Variants in APP observed in about 807,000 individuals in gnomAD.
APP encodes amyloid-beta precursor protein.
APP carries 31 observed loss-of-function variants against 101.4 expected under a neutral mutation model. The ratio of observed to expected loss-of-function variants is 0.31; its 90% CI spans 0.23 to 0.41. APP has a LOEUF of 0.41. Ranked by LOEUF, APP falls within the 10% of genes least tolerant of loss-of-function variation. APP has a pLI of 1.00. For missense variants in APP, 839 were observed against 1,003.7 expected, an observed-to-expected ratio of 0.84 and a Z score of 2.22; for synonymous variants, 366 against 364.4, an observed-to-expected ratio of 1.00 and a Z score of -0.05.
intron 14 of APP, among the ~76,000 whole-genome samples, chr21:25,908,059 A>G (rs891482676): frequency 2.0e-5 from 3 of 152,244 alleles, no homozygotes; most frequent in Non-Finnish European, 2.9e-5. Flanking sequence ...ACTTGCTGGC[A>G]GTCACTGCAT....
At chr21:25,987,234 G>A (rs2042672467) in intron 8 of APP, among the ~76,000 whole-genome samples, 1 of 152,210 alleles carries the variant, frequency 6.6e-6, no homozygotes, top group Admixed American at 6.5e-5. Flanking sequence ...AGCCCATGGA[G>A]CTAGAATATG....
At chr21:26,152,284 CAAAAAAAAAAA>C in intron 1 of APP, among the ~76,000 whole-genome samples, 1 of 36,180 alleles carries the variant, frequency 2.8e-5, no homozygotes, top group East Asian at 1.0e-3. Context: ...GACTCCATCT[CAAAAAAAAAAA>C]AAAAAAAAAA....
intron 17 of APP, among the ~76,000 whole-genome samples, chr21:25,884,502 A>G (rs1166945417): frequency 6.6e-6 from 1 of 152,202 alleles, no homozygotes; most frequent in Non-Finnish European, 1.5e-5. Flanking sequence ...TTTAACTGGT[A>G]ACTGTGTAAT....
intron 1 of APP, among the ~76,000 whole-genome samples, chr21:26,169,657 C>A (rs1020344062): frequency 2.0e-5 from 3 of 152,246 alleles, no homozygotes; most frequent in East Asian, 1.9e-4. Context: ...CCCTCCCAGG[C>A]GGACGCGCAG....
In APP at chr21:26,157,739, C is replaced by T. The variant is rs1241757988; in HGVS notation, c.57+12825G>A. Among the ~76,000 whole-genome samples the T allele has an allele frequency of 2.0e-5, 3 of 152,154 alleles. No individual in the cohort carries two copies. The East Asian group carries it at 5.8e-4, about 29-fold the overall frequency. ...AAAATAAATTTTAAAATGGCAGTCC[C>T]ATTCTTACTGACATAAATTTATTAA... On this transcript the variant is annotated intron_variant, in intron 1 of 17. Coordinates refer to ENST00000346798, the MANE Select transcript of APP (RefSeq NM_000484.4).
At chr21:25,928,448 A>G (rs2039998287) in intron 13 of APP, among the ~76,000 whole-genome samples, 1 of 152,050 alleles carries the variant, frequency 6.6e-6, no homozygotes, top group Non-Finnish European at 1.5e-5. Context: ...ACACACAAAC[A>G]CACACACACA....
chr21:26,160,615 AT>A (rs1428957326), intron 1 of APP, among the ~76,000 whole-genome samples: 1 of 152,148 alleles, frequency 6.6e-6, no homozygotes, highest in Admixed American at 6.5e-5. Flanking sequence ...TAAAGGGCCA[AT>A]TTTGATCCTT....
At chr21:26,084,391 C>T (rs2061662617) in intron 3 of APP, among the ~76,000 whole-genome samples, 1 of 149,038 alleles carries the variant, frequency 6.7e-6, no homozygotes, top group Non-Finnish European at 1.5e-5. Flanking sequence ...GGCGCCCGCA[C>T]CACGCCTGGC....
intron 17 of APP, among the ~76,000 whole-genome samples, chr21:25,882,135 T>G (rs774311384): frequency 6.6e-6 from 1 of 151,866 alleles, no homozygotes; most frequent in Admixed American, 6.6e-5. Flanking sequence ...CTGTTTTACG[T>G]GGAAGTGTTT....
chr21:25,896,789 T>C (rs1433912792), intron 16 of APP, among the ~76,000 whole-genome samples: 1 of 152,172 alleles, frequency 6.6e-6, no homozygotes, highest in Non-Finnish European at 1.5e-5. Context: ...ATCGGGAACA[T>C]CATGGGGTCC....
chr21:25,934,586 C>A (rs2040285361), intron 13 of APP: 1 of 152,230 alleles, frequency 6.6e-6, no homozygotes, highest in Non-Finnish European at 1.5e-5. Flanking sequence ...CAGGCGCCCG[C>A]AACCATCCCC....
In APP at chr21:25,913,739, G is replaced by A. The variant is rs1166465747; in HGVS notation, c.1688-1777C>T. On this transcript the variant is annotated intron_variant, in intron 13 of 17. Transcript: ENST00000346798. ...TATTTGGAAATGTTCTCACTGTTTC[G>A]CATACACAGTACTTATCTTCTTCCC... Among the ~76,000 whole-genome samples, 6 of 152,130 alleles carry A rather than the reference G, an allele frequency of 3.9e-5. No homozygotes were observed. In the East Asian group the frequency reaches 5.8e-4, roughly 15 times the overall value.
intron 1 of APP, among the ~76,000 whole-genome samples, chr21:26,146,462 G>C (rs574644159): frequency 1.3e-5 from 2 of 152,296 alleles, no homozygotes; most frequent in African/African-American, 4.8e-5. Flanking sequence ...TATCTTCATA[G>C]GTTTATTGGC....
chr21:26,091,733 A>G (rs2061830646), intron 2 of APP, among the ~76,000 whole-genome samples: 1 of 152,112 alleles, frequency 6.6e-6, no homozygotes, highest in Admixed American at 6.5e-5. Flanking sequence ...GCTTTTAGGG[A>G]AGAGAAAGGA....
intron 9 of APP, among the ~76,000 whole-genome samples, chr21:25,976,975 G>A (rs537131877): frequency 6.6e-6 from 1 of 152,274 alleles, no homozygotes; most frequent in African/African-American, 2.4e-5. Flanking sequence ...CTCAACAGAT[G>A]CCAGCACCAT....
At chr21:26,143,594 G>A (rs1295196070) in intron 1 of APP, among the ~76,000 whole-genome samples, 2 of 151,952 alleles carry the variant, frequency 1.3e-5, no homozygotes, top group African/African-American at 4.8e-5. Context: ...ATTTACTCTC[G>A]CAGACGTTTT....
intron 13 of APP, among the ~76,000 whole-genome samples, chr21:25,940,091 A>G (rs1489875452): frequency 6.6e-6 from 1 of 152,178 alleles, no homozygotes; most frequent in Non-Finnish European, 1.5e-5. Flanking sequence ...ATTTCCAGCC[A>G]ACATTACCTA....
At chr21:26,135,220 A>C (rs1048332036) in intron 1 of APP, among the ~76,000 whole-genome samples, 13 of 152,214 alleles carry the variant, frequency 8.5e-5, no homozygotes, top group Admixed American at 6.5e-5. Context: ...AGAGCTTATC[A>C]GAAGGTAAAG....
chr21:26,099,044 T>C (rs1411742868), intron 2 of APP, among the ~76,000 whole-genome samples: 1 of 152,228 alleles, frequency 6.6e-6, no homozygotes. Flanking sequence ...GGGTTCATTT[T>C]ACTATTCTTT....
Sources: gnomAD v4.1 joint callset for allele counts (sites outside exome capture counted in the v4.1 genomes callset) on GRCh38, gnomAD v4.1.1 for gene constraint, MANE v1.5 for transcripts, NCBI Gene and HGNC (gene_info 2026-07-23, HGNC 2026-07-21) for gene names.